Variants in EPM2A observed in about 807,000 individuals in gnomAD.
EPM2A encodes EPM2A glucan phosphatase, laforin, also known as laforin.
Under a neutral mutation model 26.5 loss-of-function variants are expected in EPM2A, and 21 were observed. The observed-to-expected ratio is 0.79, with a 90% CI of 0.56 to 1.14. The LOEUF is 1.14. EPM2A is among the 50% of genes most tolerant of loss of function. The pLI, the probability that EPM2A is intolerant of heterozygous loss-of-function variation, is 0.00. For missense variants in EPM2A, 458 were observed against 440.8 expected, an observed-to-expected ratio of 1.04 and a Z score of -0.35; for synonymous variants, 217 against 177.6, an observed-to-expected ratio of 1.22 and a Z score of -1.76.
chr6:145,429,541 A>C (rs1433200441), intron 4 of EPM2A, among the ~76,000 whole-genome samples: 2 of 152,156 alleles, frequency 1.3e-5, no homozygotes, highest in African/African-American at 4.8e-5. Context: ...ATTGTCAATC[A>C]TGTCAAAATT....
chr6:145,659,887 T>C (rs1251396467), intron 2 of EPM2A, among the ~76,000 whole-genome samples: 1 of 152,152 alleles, frequency 6.6e-6, no homozygotes, highest in Non-Finnish European at 1.5e-5. Context: ...TTTCCGTACC[T>C]TACTTCCATT....
At chr6:145,434,614 G>A (rs1381748697) in intron 4 of EPM2A, among the ~76,000 whole-genome samples, 3 of 151,912 alleles carry the variant, frequency 2.0e-5, no homozygotes, top group South Asian at 4.2e-4. Flanking sequence ...TTATTTTTTA[G>A]TTGAGATATA....
chr6:145,643,417 G>A (rs1777229620), intron 2 of EPM2A, among the ~76,000 whole-genome samples: 1 of 152,040 alleles, frequency 6.6e-6, no homozygotes, highest in Admixed American at 6.6e-5. Context: ...TAATAAAGTA[G>A]GGTTTGACTG....
chr6:145,666,203 G>C (rs1005121031), intron 2 of EPM2A, among the ~76,000 whole-genome samples: 5 of 112,652 alleles, frequency 4.4e-5, no homozygotes, highest in East Asian at 3.2e-4. Flanking sequence ...TATTCAATTA[G>C]GAAAAGAGGA....
intron 1 of EPM2A, among the ~76,000 whole-genome samples, chr6:145,701,155 C>T (rs1037708173): frequency 8.5e-5 from 13 of 152,190 alleles, no homozygotes; most frequent in Non-Finnish European, 7.4e-5. Flanking sequence ...TAAAATTTGC[C>T]GTAATCATAA....
At chr6:145,389,838 C>G (rs944065165) in intron 4 of EPM2A, among the ~76,000 whole-genome samples, 1 of 152,104 alleles carries the variant, frequency 6.6e-6, no homozygotes, top group Admixed American at 6.6e-5. Context: ...TCAATGATGA[C>G]GGCCAATTTA....
chr6:145,563,654 G>A (rs1011302115), intron 2 of EPM2A, among the ~76,000 whole-genome samples: 4 of 152,110 alleles, frequency 2.6e-5, no homozygotes, highest in African/African-American at 4.8e-5. Context: ...TGGAATGAAT[G>A]TCTCTAACAT....
chr6:145,582,047 A>G (rs1407762933), intron 2 of EPM2A, among the ~76,000 whole-genome samples: 1 of 151,950 alleles, frequency 6.6e-6, no homozygotes, highest in Non-Finnish European at 1.5e-5. Flanking sequence ...TGAATTTGAG[A>G]TCTTTCTAAC....
intron 2 of EPM2A, among the ~76,000 whole-genome samples, chr6:145,507,456 T>C (rs548528388): frequency 1.3e-4 from 20 of 152,148 alleles, no homozygotes; most frequent in Non-Finnish European, 2.4e-4. Context: ...ACCTTTCCAC[T>C]AGGGATATGT....
chr6:145,550,871 C>T (rs746619211), intron 2 of EPM2A, among the ~76,000 whole-genome samples: 1 of 151,898 alleles, frequency 6.6e-6, no homozygotes, highest in Admixed American at 6.6e-5. Flanking sequence ...AGTAAGGAAG[C>T]CTTACTGATA....
chr6:145,632,487 T>C (rs1776338263), intron 3 of EPM2A, among the ~76,000 whole-genome samples: 1 of 152,176 alleles, frequency 6.6e-6, no homozygotes, highest in Non-Finnish European at 1.5e-5. Flanking sequence ...ATTTGGCAGA[T>C]TTTCATTCCC....
At chr6:145,690,291 A>G (rs1009818715) in intron 1 of EPM2A, among the ~76,000 whole-genome samples, 2 of 151,970 alleles carry the variant, frequency 1.3e-5, no homozygotes, top group Non-Finnish European at 2.9e-5. Flanking sequence ...CGGGTGGATC[A>G]TGAGGTCAGG....
At chr6:145,659,751 A>G (rs181057435) in intron 2 of EPM2A, among the ~76,000 whole-genome samples, 2 of 152,286 alleles carry the variant, frequency 1.3e-5, no homozygotes, top group African/African-American at 4.8e-5. Context: ...CTGTAACCTA[A>G]CTGGATGTGT....
At chr6:145,411,004 C>T (rs1236110567) in intron 4 of EPM2A, among the ~76,000 whole-genome samples, 2 of 152,092 alleles carry the variant, frequency 1.3e-5, no homozygotes, top group African/African-American at 2.4e-5. Flanking sequence ...AACATGGGAA[C>T]CCAGAAAACA....
intron 2 of EPM2A, among the ~76,000 whole-genome samples, chr6:145,556,277 T>C (rs867441757): frequency 2.2e-4 from 33 of 152,138 alleles, no homozygotes; most frequent in Non-Finnish European, 1.6e-4. Context: ...ATTCATCTAG[T>C]GGGAAGGAGG....
At chr6:145,426,568 C>T (rs1044449576) in intron 4 of EPM2A, among the ~76,000 whole-genome samples, 12 of 152,030 alleles carry the variant, frequency 7.9e-5, no homozygotes, top group South Asian at 2.1e-4. Flanking sequence ...ACTATGCATC[C>T]TTATAATCAT....
intron 2 of EPM2A, among the ~76,000 whole-genome samples, chr6:145,516,875 C>G (rs1416997499): frequency 6.6e-6 from 1 of 152,174 alleles, no homozygotes; most frequent in Admixed American, 6.5e-5. Context: ...AAATCAGGAT[C>G]TTGAAGAAAT....
chr6:145,648,768 A>C (rs1417361279), intron 2 of EPM2A, among the ~76,000 whole-genome samples: 4 of 152,198 alleles, frequency 2.6e-5, no homozygotes, highest in Non-Finnish European at 4.4e-5. Flanking sequence ...CCTGGGAGAG[A>C]GATCACAGTT....
intron 4 of EPM2A, chr6:145,491,757 A>G (rs1262100955): frequency 1.9e-6 from 1 of 529,886 alleles, no homozygotes; most frequent in South Asian, 1.4e-5. Flanking sequence ...AACTTCTAGC[A>G]TTTGTACAAC....
Sources: gnomAD v4.1 joint callset for allele counts (sites outside exome capture counted in the v4.1 genomes callset) on GRCh38, gnomAD v4.1.1 for gene constraint, MANE v1.5 for transcripts, NCBI Gene and HGNC (gene_info 2026-07-23, HGNC 2026-07-21) for gene names.